The following SLC39A11 variants were observed in gnomAD, a reference collection of about 807,000 sequenced individuals.
SLC39A11 encodes the protein solute carrier family 39 member 11.
In SLC39A11, 33 loss-of-function variants were observed where a neutral mutation model predicts 36.1. That is an observed-to-expected ratio of 0.91 (90% CI 0.69 to 1.22). SLC39A11 has a LOEUF of 1.22. Ranked by LOEUF, SLC39A11 falls within the 50% of genes most tolerant of loss-of-function variation. The probability of loss-of-function intolerance (pLI) is 0.00; values close to 1 mark genes in which losing one functional copy is unlikely to be tolerated. For missense variants in SLC39A11, 432 were observed against 430.3 expected, an observed-to-expected ratio of 1.00 and a Z score of -0.03; for synonymous variants, 166 against 170.3, an observed-to-expected ratio of 0.97 and a Z score of 0.20.
At chr17:73,032,656 G>A (rs2058775293) in intron 3 of SLC39A11, among the ~76,000 whole-genome samples, 2 of 152,114 alleles carry the variant, frequency 1.3e-5, no homozygotes, top group African/African-American at 4.8e-5. Context: ...CCTTTTAGCT[G>A]TGGTTTTGCT....
chr17:72,759,295 GA>G (rs1223973112), intron 6 of SLC39A11, among the ~76,000 whole-genome samples: 1 of 152,102 alleles, frequency 6.6e-6, no homozygotes, highest in Non-Finnish European at 1.5e-5. Context: ...TCTGGCTCAT[GA>G]ATTTCTAAAA....
intron 6 of SLC39A11, among the ~76,000 whole-genome samples, chr17:72,773,149 G>T (rs1348102083): frequency 6.6e-6 from 1 of 152,222 alleles, no homozygotes; most frequent in African/African-American, 2.4e-5. Flanking sequence ...ATCTGGAAGA[G>T]TTGGTTAGAC....
chr17:72,948,994 C>T (rs1466287270), intron 4 of SLC39A11, among the ~76,000 whole-genome samples: 1 of 152,040 alleles, frequency 6.6e-6, no homozygotes, highest in Non-Finnish European at 1.5e-5. Context: ...ACCAACTACA[C>T]AAGCACCTCC....
chr17:73,066,638 T>C (rs1443945286), intron 3 of SLC39A11, among the ~76,000 whole-genome samples: 3 of 152,178 alleles, frequency 2.0e-5, no homozygotes, highest in African/African-American at 7.2e-5. Context: ...TACATTAGTA[T>C]TCAGGGATGA....
chr17:72,906,865 A>T (rs7502714), intron 5 of SLC39A11, among the ~76,000 whole-genome samples: 98,329 of 152,100 alleles, frequency 0.65, 33,957 homozygotes, highest in African/African-American at 0.91. Context: ...AGTGTACGAG[A>T]ACATGGAGAC....
chr17:72,855,854 G>A (rs528791120), intron 5 of SLC39A11, among the ~76,000 whole-genome samples: 14 of 151,068 alleles, frequency 9.3e-5, no homozygotes, highest in Admixed American at 2.6e-4. Flanking sequence ...CCAAGATGGC[G>A]CCACTGCACT....
intron 3 of SLC39A11, among the ~76,000 whole-genome samples, chr17:73,084,437 CAAAAAAA>C (rs67639617): frequency 6.5e-5 from 4 of 61,650 alleles, no homozygotes; most frequent in African/African-American, 2.0e-4. Flanking sequence ...GGCTCTGTCT[CAAAAAAA>C]AAAAAAAAAA....
intron 5 of SLC39A11, among the ~76,000 whole-genome samples, chr17:72,873,011 G>A (rs990706247): frequency 8.3e-5 from 12 of 144,612 alleles, no homozygotes; most frequent in South Asian, 2.2e-4. Context: ...CCGAGATCGC[G>A]CCACTGCACT....
chr17:73,049,023 G>A (rs143169020), intron 3 of SLC39A11, among the ~76,000 whole-genome samples: 220 of 152,272 alleles, frequency 1.4e-3, no homozygotes, highest in Middle Eastern at 6.8e-3. Flanking sequence ...GGGGTCCCTC[G>A]GCGATGCTGT....
chr17:73,043,031 G>A (rs1011719109), intron 3 of SLC39A11, among the ~76,000 whole-genome samples: 2 of 152,114 alleles, frequency 1.3e-5, no homozygotes, highest in African/African-American at 4.8e-5. Flanking sequence ...GCTGGCTCTG[G>A]ACTATAATAA....
intron 4 of SLC39A11, among the ~76,000 whole-genome samples, chr17:73,003,378 T>C (rs922683374): frequency 3.9e-5 from 6 of 152,016 alleles, no homozygotes; most frequent in East Asian, 1.9e-4. Flanking sequence ...ACCGGTCTGA[T>C]TGGATGTTGG....
At chr17:73,068,911 A>C (rs971525933) in intron 3 of SLC39A11, among the ~76,000 whole-genome samples, 2 of 152,076 alleles carry the variant, frequency 1.3e-5, no homozygotes, top group Non-Finnish European at 2.9e-5. Flanking sequence ...TCCCCTTCTC[A>C]AAAACGTCTC....
chr17:72,970,869 C>T (rs1049555564), intron 4 of SLC39A11, among the ~76,000 whole-genome samples: 8 of 152,216 alleles, frequency 5.3e-5, no homozygotes, highest in African/African-American at 1.2e-4. Flanking sequence ...TCGAGCTGGC[C>T]GCATGGGCAC....
intron 3 of SLC39A11, among the ~76,000 whole-genome samples, chr17:73,080,118 C>T (rs2060463695): frequency 6.6e-6 from 1 of 152,130 alleles, no homozygotes; most frequent in Non-Finnish European, 1.5e-5. Flanking sequence ...TCATTCTTCA[C>T]AGAACTAGAA....
chr17:72,876,003 G>A (rs2080881948), intron 5 of SLC39A11, among the ~76,000 whole-genome samples: 2 of 152,150 alleles, frequency 1.3e-5, no homozygotes, highest in Admixed American at 1.3e-4. Context: ...TGTATATAAT[G>A]CCCCTTAATC....
intron 4 of SLC39A11, among the ~76,000 whole-genome samples, chr17:73,030,073 G>A (rs1216221639): frequency 1.3e-5 from 2 of 152,182 alleles, no homozygotes; most frequent in African/African-American, 2.4e-5. Context: ...TAAGGAGCAC[G>A]CAGCCTGGAT....
chr17:72,991,595 A>G (rs1214699602), intron 4 of SLC39A11, among the ~76,000 whole-genome samples: 5 of 150,978 alleles, frequency 3.3e-5, no homozygotes, highest in African/African-American at 1.2e-4. Context: ...CTGATCTCAG[A>G]TAATCCCCCC....
chr17:72,976,853 A>C (rs1055382105), intron 4 of SLC39A11, among the ~76,000 whole-genome samples: 2 of 152,184 alleles, frequency 1.3e-5, no homozygotes, highest in Non-Finnish European at 2.9e-5. Flanking sequence ...CGTCTCAAAA[A>C]AAAAAAGAAA....
intron 3 of SLC39A11, among the ~76,000 whole-genome samples, chr17:73,080,084 G>A (rs772624006): frequency 1.3e-5 from 2 of 152,044 alleles, no homozygotes; most frequent in South Asian, 2.1e-4. Context: ...CAAATTCAAC[G>A]CAATTCCCAT....
Sources: gnomAD v4.1 joint callset for allele counts (sites outside exome capture counted in the v4.1 genomes callset) on GRCh38, gnomAD v4.1.1 for gene constraint, MANE v1.5 for transcripts, NCBI Gene and HGNC (gene_info 2026-07-23, HGNC 2026-07-21) for gene names.